Variants in FAM156A observed in about 807,000 individuals in gnomAD.
FAM156A encodes the protein family with sequence similarity 156 member A.
At chrX:52,980,851 T>C (rs1464372527) in intron 1 of FAM156A, among the ~76,000 whole-genome samples, 1 of 43,962 alleles carries the variant, frequency 2.3e-5, no homozygotes, top group Non-Finnish European at 4.5e-5. Flanking sequence ...TGTGTGTGTG[T>C]AGAGGGAGAG....
At chrX:52,976,889 T>C (rs1220252897) in intron 1 of FAM156A, among the ~76,000 whole-genome samples, 1 of 110,029 alleles carries the variant, frequency 9.1e-6, no homozygotes, top group Non-Finnish European at 1.9e-5. Context: ...GTTGCTAATG[T>C]TATCATCCCT....
intron 1 of FAM156A, among the ~76,000 whole-genome samples, chrX:52,984,662 G>C (rs1556794033): frequency 8.9e-6 from 1 of 111,828 alleles, no homozygotes; most frequent in East Asian, 2.8e-4. Context: ...GAGGTCAGGA[G>C]TTTGAGACCA....
At chrX:52,990,815 A>AGAAAAGAAAAGAAAG in intron 1 of FAM156A, among the ~76,000 whole-genome samples, 1 of 102,089 alleles carries the variant, frequency 9.8e-6, no homozygotes, top group Admixed American at 1.1e-4. Context: ...AGAAAAGAAA[A>AGAAAAGAAAAGAAAG]GAAAAGAAAA....
chrX:52,983,476 G>C (rs1556793813), intron 1 of FAM156A, among the ~76,000 whole-genome samples: 1 of 112,018 alleles, frequency 8.9e-6, no homozygotes, highest in African/African-American at 3.2e-5. Flanking sequence ...TGTCTGGAAG[G>C]CTGGGAGGGG....
At chrX:52,987,723 T>G (rs990431552) in intron 1 of FAM156A, among the ~76,000 whole-genome samples, 4 of 110,652 alleles carry the variant, frequency 3.6e-5, no homozygotes, top group Admixed American at 2.9e-4. Context: ...TTTCAACAAA[T>G]GGTGTTGGAA....
intron 1 of FAM156A, among the ~76,000 whole-genome samples, chrX:52,976,077 TGATAAG>T (rs1430955785): frequency 1.2e-4 from 13 of 111,334 alleles, no homozygotes; most frequent in Non-Finnish European, 2.4e-4. Context: ...GTTTGCCTCC[TGATAAG>T]GATATCAAAA....
chrX:52,983,764 C>CCT (rs1556793866), intron 1 of FAM156A, among the ~76,000 whole-genome samples: 1 of 112,215 alleles, frequency 8.9e-6, no homozygotes, highest in Non-Finnish European at 1.9e-5. Flanking sequence ...CAAAAGACGC[C>CCT]AAGGAATGCA....
At chrX:52,976,169 G>A (rs1483429054) in intron 1 of FAM156A, among the ~76,000 whole-genome samples, 1 of 112,006 alleles carries the variant, frequency 8.9e-6, no homozygotes, top group East Asian at 2.8e-4. Flanking sequence ...TTATTGGCCA[G>A]GTGCGGTGGC....
chrX:52,973,666 A>G (rs1337166078), intron 1 of FAM156A, among the ~76,000 whole-genome samples: 2 of 111,945 alleles, frequency 1.8e-5, no homozygotes, highest in Admixed American at 1.9e-4. Context: ...GGAAAGTACA[A>G]GATTTTATTT....
chrX:52,987,704 GAACAGTCTTTTC>G (rs200968181), intron 1 of FAM156A, among the ~76,000 whole-genome samples: 9,120 of 109,078 alleles, frequency 0.084, 979 homozygotes, highest in African/African-American at 0.29. Context: ...AACAGAAAGA[GAACAGTCTTTTC>G]AACAAATGGT....
chrX:52,983,193 C>A (rs782383974), intron 1 of FAM156A, among the ~76,000 whole-genome samples: 1 of 112,192 alleles, frequency 8.9e-6, no homozygotes, highest in Non-Finnish European at 1.9e-5. Flanking sequence ...GTCGAGGCTA[C>A]AGTGAGCCAT....
chrX:52,994,522 T>G (rs781903832), intron 1 of FAM156A, among the ~76,000 whole-genome samples: 105 of 111,427 alleles, frequency 9.4e-4, no homozygotes, highest in Non-Finnish European at 1.6e-3. Flanking sequence ...GCTCAGATAC[T>G]TTATACCTTA....
At position 52,982,716 on chromosome X, in the gene FAM156A, A is replaced by G. The variant is rs1321985328; in HGVS notation, c.-434+12590T>C. 1.8e-5 allele frequency among the ~76,000 whole-genome samples: 2 copies of G among 112,624 alleles called. 1 individual carries two copies. Among genetic ancestry groups the G allele is most frequent in the Non-Finnish European group, 3.7e-5 (2 of 53,348 alleles). ...GAAAAAAGAATTTTCAGAGAAAAAA[A>G]TTTTAATAAATCAACCAATAATACA... On this transcript the variant is annotated intron_variant, in intron 1 of 4. Transcript: ENST00000610625.
rs143297599 is a variant in FAM156A, at chrX:52,981,119, C to T, written c.-434+14187G>A. ...TTAATGTTAGTCTCATCTTAAAAAA[C>T]ACCTTCACAGAGACACCTAGTCTGG... On this transcript the variant is annotated intron_variant, in intron 1 of 4. Transcript: ENST00000610625. Among the ~76,000 whole-genome samples, 835 of 109,266 alleles carry T rather than the reference C, an allele frequency of 7.6e-3. 5 individuals are homozygous for T. Among genetic ancestry groups the T allele is most frequent in the African/African-American group, 0.026 (790 of 30,024 alleles). The allele number at this position is 109,266 out of a possible 115,157, so 94.9% of individuals were successfully genotyped here.
At chrX:52,994,450 A>G (rs1450806639) in intron 1 of FAM156A, among the ~76,000 whole-genome samples, 4 of 111,617 alleles carry the variant, frequency 3.6e-5, no homozygotes, top group African/African-American at 1.3e-4. Flanking sequence ...ATCTTAAGAT[A>G]AAGTCCCCAG....
chrX:52,978,367 T>C (rs1929633894), intron 1 of FAM156A, among the ~76,000 whole-genome samples: 1 of 112,052 alleles, frequency 8.9e-6, no homozygotes, highest in African/African-American at 3.2e-5. Context: ...ACTGACCATA[T>C]GCCAGGGACT....
At chrX:52,990,239 A>C in intron 1 of FAM156A, among the ~76,000 whole-genome samples, 1 of 111,662 alleles carries the variant, frequency 9.0e-6, no homozygotes, top group East Asian at 2.8e-4. Context: ...GCAAAGGTGG[A>C]TATCACTGCA....
chrX:52,991,164 G>A (rs1471343106), intron 1 of FAM156A, among the ~76,000 whole-genome samples: 5 of 111,736 alleles, frequency 4.5e-5, no homozygotes, highest in African/African-American at 1.6e-4. Flanking sequence ...ATTGGCTCAT[G>A]TGACTGTGGG....
chrX:52,989,653 G>T (rs782242180), intron 1 of FAM156A, among the ~76,000 whole-genome samples: 5 of 112,299 alleles, frequency 4.5e-5, no homozygotes, highest in Non-Finnish European at 7.5e-5. Flanking sequence ...TCTTCTGAGG[G>T]ATCCTCCTGG....
Sources: allele counts gnomAD v4.1 joint callset (sites outside exome capture counted in the v4.1 genomes callset), GRCh38; gene constraint gnomAD v4.1.1; transcripts MANE v1.5; gene names NCBI Gene and HGNC (gene_info 2026-07-23, HGNC 2026-07-21).